The following DPP6 variants were observed in gnomAD, a reference collection of about 807,000 sequenced individuals.
DPP6 encodes dipeptidyl peptidase like 6.
In DPP6, 69 loss-of-function variants were observed where a neutral mutation model predicts 122.6. That is an observed-to-expected ratio of 0.56 (90% CI 0.46 to 0.69). The LOEUF (loss-of-function observed/expected upper bound fraction) is 0.69, where lower values mean the gene tolerates loss of function less well. Among genes scored for constraint, DPP6 ranks in the 30% least tolerant of loss-of-function variants. The pLI is 0.00. For missense variants in DPP6, 928 were observed against 1,116.9 expected (o/e 0.83, Z 2.41); for synonymous variants, 418 against 433.1 (o/e 0.97, Z 0.43).
chr7:154,369,280 A>C (rs1812444368), intron 1 of DPP6, among the ~76,000 whole-genome samples: 1 of 151,268 alleles, frequency 6.6e-6, no homozygotes, highest in African/African-American at 2.4e-5. Context: ...TTTTTAGTAG[A>C]GATGAGGTTT....
At chr7:154,343,491 T>G (rs1810106592) in intron 1 of DPP6, among the ~76,000 whole-genome samples, 2 of 152,238 alleles carry the variant, frequency 1.3e-5, no homozygotes, top group African/African-American at 2.4e-5. Context: ...CCCGTGCACA[T>G]GTAGGATTGT....
rs563655264 is a variant in DPP6 at position 154,314,335 on chromosome 7, C to T, written c.244-131879C>T. On this transcript the variant is annotated intron_variant, in intron 1 of 25. Transcript: ENST00000377770. The stretch of plus-strand genomic sequence containing the variant: ...CAAACTATTGTTCAGTGAACACCTA[C>T]TATGTGCTGACATCCCAATGCTACT... Among the ~76,000 whole-genome samples, 3 of 152,358 alleles carry T rather than the reference C, an allele frequency of 2.0e-5. No homozygotes were observed. The South Asian group carries it at 6.2e-4, about 32-fold the overall frequency.
At chr7:154,434,343 T>C (rs886669862) in intron 1 of DPP6, among the ~76,000 whole-genome samples, 1 of 152,306 alleles carries the variant, frequency 6.6e-6, no homozygotes, top group Non-Finnish European at 1.5e-5. Context: ...TGCAGAGTTA[T>C]AGTTTCCACA....
rs138884660 is a variant in DPP6, at chr7:154,416,448, CAGTG to C, written c.244-29763_244-29760del. On this transcript the variant is annotated intron_variant, in intron 1 of 25. Coordinates refer to ENST00000377770, the MANE Select transcript of DPP6 (RefSeq NM_130797.4). ...TACAGTACAGGAAGATATTTTGTGACAGTGAGAGAGAGAGAAACCACAGTCACAT... is the reference window on the plus strand; with the variant it reads ...TACAGTACAGGAAGATATTTTGTGACAGAGAGAGAGAAACCACAGTCACAT... 9.0e-3 allele frequency among the ~76,000 whole-genome samples: 1,368 copies of C among 152,236 alleles called. 14 individuals are homozygous for C. Among genetic ancestry groups the C allele is most frequent in the African/African-American group, 0.03 (1,232 of 41,516 alleles).
intron 3 of DPP6, among the ~76,000 whole-genome samples, chr7:154,530,758 T>C (rs760426602): frequency 5.9e-5 from 9 of 152,146 alleles, no homozygotes; most frequent in African/African-American, 2.2e-4. Flanking sequence ...CCATCAATGA[T>C]AGACTGGATC....
At chr7:154,060,281 AGAGG>A (rs1801540415) in intron 1 of DPP6, among the ~76,000 whole-genome samples, 3 of 117,262 alleles carry the variant, frequency 2.6e-5, no homozygotes, top group Non-Finnish European at 3.6e-5. Flanking sequence ...GCAGGGACTG[AGAGG>A]CAATCCCTCT....
chr7:154,204,777 A>G (rs981323638), intron 1 of DPP6, among the ~76,000 whole-genome samples: 3 of 82,044 alleles, frequency 3.7e-5, no homozygotes, highest in African/African-American at 1.3e-4. Flanking sequence ...AACTAGCTTG[A>G]TGACCTTGTG....
intron 1 of DPP6, among the ~76,000 whole-genome samples, chr7:154,343,138 G>A (rs1179708070): frequency 1.3e-5 from 2 of 152,212 alleles, no homozygotes; most frequent in African/African-American, 4.8e-5. Context: ...CCTGAAAAGA[G>A]GAAGGGAACT....
chr7:154,134,661 G>A (rs1795452040), intron 1 of DPP6, among the ~76,000 whole-genome samples: 1 of 152,148 alleles, frequency 6.6e-6, no homozygotes, highest in Non-Finnish European at 1.5e-5. Context: ...CACACTTCCT[G>A]TGAGCATACA....
At chr7:154,172,791 G>A (rs981595149) in intron 1 of DPP6, among the ~76,000 whole-genome samples, 1 of 151,806 alleles carries the variant, frequency 6.6e-6, no homozygotes, top group Non-Finnish European at 1.5e-5. Flanking sequence ...TGTAGAAAGG[G>A]GGTTTTGCCA....
chr7:154,027,394 G>A (rs1026517992), intron 1 of DPP6, among the ~76,000 whole-genome samples: 6 of 152,096 alleles, frequency 3.9e-5, no homozygotes, highest in Admixed American at 3.9e-4. Context: ...AAAAGCACTT[G>A]GCCGTCTTCT....
intron 1 of DPP6, among the ~76,000 whole-genome samples, chr7:154,254,184 A>G (rs1194933690): frequency 6.6e-6 from 1 of 152,204 alleles, no homozygotes; most frequent in Non-Finnish European, 1.5e-5. Flanking sequence ...TAGATGAAGA[A>G]ATGGGGGTTT....
chr7:153,957,743 T>C (rs1241904180), intron 1 of DPP6, among the ~76,000 whole-genome samples: 1 of 152,210 alleles, frequency 6.6e-6, no homozygotes, highest in Non-Finnish European at 1.5e-5. Context: ...ACTACCTCAT[T>C]AACGCTCTCT....
intron 7 of DPP6, among the ~76,000 whole-genome samples, chr7:154,675,094 A>G (rs1258553670): frequency 6.6e-6 from 1 of 152,206 alleles, no homozygotes; most frequent in East Asian, 1.9e-4. Context: ...AACGTCAATA[A>G]ATCCGCATTT....
At chr7:154,058,415 G>A (rs76803597) in intron 1 of DPP6, 217 of 89,986 alleles carry the variant, frequency 2.4e-3, no homozygotes, top group Middle Eastern at 0.011. Context: ...AGGCAACCCC[G>A]CGAGGGTGGG....
chr7:154,103,560 C>T (rs1484216423), intron 1 of DPP6, among the ~76,000 whole-genome samples: 2 of 152,196 alleles, frequency 1.3e-5, no homozygotes, highest in Non-Finnish European at 2.9e-5. Context: ...TTGAAGGATG[C>T]CTAGATAGCT....
At chr7:154,531,350 A>C (rs1409561198) in intron 3 of DPP6, among the ~76,000 whole-genome samples, 2 of 152,244 alleles carry the variant, frequency 1.3e-5, no homozygotes, top group Non-Finnish European at 2.9e-5. Context: ...CATGGTGACC[A>C]GAAGAGAGTG....
At chr7:154,587,779 C>G (rs761202659) in intron 5 of DPP6, 1 of 1,608,664 alleles carries the variant, frequency 6.2e-7, no homozygotes, top group South Asian at 1.1e-5. Flanking sequence ...CATGTCTCTT[C>G]CTCTTCACTG....
intron 1 of DPP6, among the ~76,000 whole-genome samples, chr7:154,166,984 AAAAAC>A (rs1797283969): frequency 6.7e-6 from 1 of 149,240 alleles, no homozygotes; most frequent in Admixed American, 6.6e-5. Flanking sequence ...GACTGTCTCA[AAAAAC>A]AAAACAAAAC....
Sources: allele counts gnomAD v4.1 joint callset (sites outside exome capture counted in the v4.1 genomes callset), GRCh38; gene constraint gnomAD v4.1.1; transcripts MANE v1.5; gene names NCBI Gene and HGNC (gene_info 2026-07-23, HGNC 2026-07-21).